Variants in GSG1L observed in about 807,000 individuals in gnomAD.
GSG1L encodes the protein GSG1 like.
A neutral mutation model predicts 42.1 loss-of-function variants in GSG1L; 24 were observed. The ratio of observed to expected loss-of-function variants is 0.57; its 90% CI spans 0.41 to 0.80. The LOEUF is 0.80. Among genes scored for constraint, GSG1L ranks in the 30% least tolerant of loss-of-function variants. GSG1L has a pLI of 0.00. For missense variants in GSG1L, 445 were observed against 472.2 expected (o/e 0.94, Z 0.53); for synonymous variants, 215 against 203.5 (o/e 1.06, Z -0.48).
rs138783208 is a variant in GSG1L at position 27,797,647 on chromosome 16, C to G, written c.899-6180G>C. ...ACCATCCTGGCTAACACGCTGAAAC[C>G]CCATCTCTCCTAAAAATATAAAAAA... On this transcript the variant is annotated intron_variant, in intron 6 of 6. Coordinates refer to ENST00000447459, the MANE Select transcript of GSG1L (RefSeq NM_001109763.2). Among the ~76,000 whole-genome samples, 4 of 151,312 alleles carry G rather than the reference C, an allele frequency of 2.6e-5. No individual in the cohort carries two copies. The East Asian group carries it at 7.8e-4, about 29-fold the overall frequency.
chr16:27,819,916 A>G (rs2083133839), intron 5 of GSG1L, among the ~76,000 whole-genome samples: 1 of 152,162 alleles, frequency 6.6e-6, no homozygotes, highest in African/African-American at 2.4e-5. Flanking sequence ...TCACCCAGGT[A>G]AGTCCTGTTG....
chr16:27,978,468 G>A (rs1035080608), intron 1 of GSG1L, among the ~76,000 whole-genome samples: 1 of 151,760 alleles, frequency 6.6e-6, no homozygotes, highest in Non-Finnish European at 1.5e-5. Context: ...CAAGGTGGGC[G>A]GATCACGAGG....
intron 3 of GSG1L, among the ~76,000 whole-genome samples, chr16:27,861,406 G>C (rs1360039052): frequency 1.3e-5 from 2 of 151,992 alleles, no homozygotes; most frequent in Non-Finnish European, 2.9e-5. Flanking sequence ...AAAAGAGAAA[G>C]GGCCAGTGGG....
chr16:27,817,656 G>A (rs529505375), intron 5 of GSG1L, among the ~76,000 whole-genome samples: 2 of 151,942 alleles, frequency 1.3e-5, no homozygotes, highest in Non-Finnish European at 2.9e-5. Context: ...AACATGTCTG[G>A]CTCCCACTTA....
At chr16:27,867,780 C>A (rs1360305656) in intron 3 of GSG1L, among the ~76,000 whole-genome samples, 1 of 151,304 alleles carries the variant, frequency 6.6e-6, no homozygotes, top group Non-Finnish European at 1.5e-5. Context: ...ACCCACTCGG[C>A]TTCCTCCTGA....
chr16:27,841,476 G>A (rs2083380955), intron 4 of GSG1L, among the ~76,000 whole-genome samples: 1 of 152,220 alleles, frequency 6.6e-6, no homozygotes, highest in Non-Finnish European at 1.5e-5. Context: ...CTTCCCTGCT[G>A]GGCAGGAAGA....
intron 1 of GSG1L, among the ~76,000 whole-genome samples, chr16:28,005,269 A>G (rs1314514395): frequency 3.9e-5 from 6 of 152,106 alleles, no homozygotes; most frequent in African/African-American, 7.2e-5. Context: ...ATGCACCACC[A>G]TGCCCAGCTA....
intron 3 of GSG1L, among the ~76,000 whole-genome samples, chr16:27,877,898 C>G (rs1250490455): frequency 6.6e-6 from 1 of 152,170 alleles, no homozygotes; most frequent in Admixed American, 6.6e-5. Context: ...GAACACTTCA[C>G]CATGGCAGAC....
intron 1 of GSG1L, among the ~76,000 whole-genome samples, chr16:27,983,009 C>A (rs1353549071): frequency 6.6e-6 from 1 of 152,162 alleles, no homozygotes; most frequent in Non-Finnish European, 1.5e-5. Flanking sequence ...CCAGGACCAC[C>A]TGTGCTGACA....
At chr16:27,826,806 G>A (rs2083214797) in intron 5 of GSG1L, among the ~76,000 whole-genome samples, 1 of 152,208 alleles carries the variant, frequency 6.6e-6, no homozygotes, top group Admixed American at 6.5e-5. Context: ...GGGTCCTCAA[G>A]GCTGAGAGTC....
At chr16:27,942,102 T>G (rs1425663966) in intron 2 of GSG1L, among the ~76,000 whole-genome samples, 2 of 152,112 alleles carry the variant, frequency 1.3e-5, no homozygotes, top group Non-Finnish European at 2.9e-5. Flanking sequence ...AATGGTAAAT[T>G]TTATGTTATA....
intron 2 of GSG1L, among the ~76,000 whole-genome samples, chr16:27,888,933 T>TATAGATATAGATATAGATATAGATATAG (rs1200460464): frequency 2.9e-5 from 2 of 69,280 alleles, no homozygotes; most frequent in African/African-American, 5.8e-5. Flanking sequence ...CTTAGATAGA[T>TATAGATATAGATATAGATATAGATATAG]ATAGATATAG....
intron 5 of GSG1L, among the ~76,000 whole-genome samples, chr16:27,814,475 C>T (rs896962274): frequency 6.6e-6 from 1 of 152,136 alleles, no homozygotes; most frequent in Non-Finnish European, 1.5e-5. Context: ...CTTGTAGCCT[C>T]AGGGTCTAGC....
chr16:27,995,968 G>C lies in GSG1L; in HGVS notation c.350-32765C>G, dbSNP rs185861307. Reference sequence around the variant, plus strand: ...TAATCCTAGCACTGTGGGAGGCCAAGATGGGAGGATTGCTTGAGCCCAGGA... The same window carrying C: ...TAATCCTAGCACTGTGGGAGGCCAACATGGGAGGATTGCTTGAGCCCAGGA... On this transcript the variant is annotated intron_variant, in intron 1 of 6. Coordinates refer to ENST00000447459, the MANE Select transcript of GSG1L (RefSeq NM_001109763.2). 2.0e-4 allele frequency among the ~76,000 whole-genome samples: 30 copies of C among 152,024 alleles called. 1 individual carries two copies. The highest frequency in any genetic ancestry group is 7.2e-4 in the African/African-American group (30 of 41,472).
intron 4 of GSG1L, among the ~76,000 whole-genome samples, chr16:27,841,426 C>T (rs939706755): frequency 2.0e-5 from 3 of 152,208 alleles, no homozygotes; most frequent in African/African-American, 7.2e-5. Flanking sequence ...CTTTGAGCGC[C>T]TCAAAACCCC....
At chr16:27,977,059 C>T (rs959433833) in intron 1 of GSG1L, among the ~76,000 whole-genome samples, 16 of 152,294 alleles carry the variant, frequency 1.1e-4, no homozygotes, top group African/African-American at 2.9e-4. Flanking sequence ...TCCCACAACC[C>T]GGAAGAGAGT....
intron 1 of GSG1L, among the ~76,000 whole-genome samples, chr16:28,049,848 T>A (rs577713767): frequency 8.5e-5 from 13 of 152,054 alleles, no homozygotes; most frequent in Non-Finnish European, 1.0e-4. Context: ...GTCAAAGAAG[T>A]CTCCCCAACA....
chr16:28,053,904 T>C (rs2086248586), intron 1 of GSG1L, among the ~76,000 whole-genome samples: 1 of 152,180 alleles, frequency 6.6e-6, no homozygotes, highest in African/African-American at 2.4e-5. Flanking sequence ...CGTCTTCTCA[T>C]CTCTCTCTGG....
At chr16:27,811,666 T>G (rs2083032519) in intron 5 of GSG1L, among the ~76,000 whole-genome samples, 1 of 152,222 alleles carries the variant, frequency 6.6e-6, no homozygotes, top group African/African-American at 2.4e-5. Context: ...TTGTTGTTGT[T>G]GAGACGGAGT....
Sources: allele counts gnomAD v4.1 joint callset (sites outside exome capture counted in the v4.1 genomes callset), GRCh38; gene constraint gnomAD v4.1.1; transcripts MANE v1.5; gene names NCBI Gene and HGNC (gene_info 2026-07-23, HGNC 2026-07-21).